The following ENTREP2 variants were observed in gnomAD, a reference collection of about 807,000 sequenced individuals.
ENTREP2 encodes the protein endosomal transmembrane epsin interactor 2, also known as protein ENTREP2.
chr15:29,137,944 C>T, the ENTREP2 span, among the ~76,000 whole-genome samples: 5 of 152,104 alleles, frequency 3.3e-5, no homozygotes, highest in Admixed American at 6.5e-5. Flanking sequence ...CCAGAATTCC[C>T]GTGGTCAATC....
chr15:29,319,426 A>C, the ENTREP2 span, among the ~76,000 whole-genome samples: 36 of 152,332 alleles, frequency 2.4e-4, no homozygotes, highest in South Asian at 7.5e-3. Flanking sequence ...CTAATTCCCT[A>C]TTGAAATTCA....
the ENTREP2 span, among the ~76,000 whole-genome samples, chr15:29,245,539 C>T: frequency 6.6e-6 from 1 of 151,540 alleles, no homozygotes; most frequent in African/African-American, 2.4e-5. Context: ...AGATGCATAA[C>T]AAACTATTAA....
At chr15:29,354,010 T>A in the ENTREP2 span, among the ~76,000 whole-genome samples, 2 of 152,116 alleles carry the variant, frequency 1.3e-5, no homozygotes, top group African/African-American at 4.8e-5. Context: ...CATTTCTGGG[T>A]ATGTGTGTCA....
chr15:29,336,313 T>C, the ENTREP2 span, among the ~76,000 whole-genome samples: 2 of 151,670 alleles, frequency 1.3e-5, no homozygotes, highest in East Asian at 3.9e-4. Context: ...ATTAATATGG[T>C]TTGTTGTTGT....
chr15:29,264,368 A>T, the ENTREP2 span, among the ~76,000 whole-genome samples: 4 of 152,126 alleles, frequency 2.6e-5, no homozygotes, highest in African/African-American at 7.2e-5. Context: ...ACAAAGTCTC[A>T]AAGTGTCTCC....
At chr15:29,227,667 G>A in the ENTREP2 span, among the ~76,000 whole-genome samples, 7 of 152,238 alleles carry the variant, frequency 4.6e-5, no homozygotes, top group South Asian at 6.2e-4. Flanking sequence ...AGGAGAAGAC[G>A]GAAGGAAAGA....
At chr15:29,220,518 T>C in the ENTREP2 span, among the ~76,000 whole-genome samples, 7 of 152,318 alleles carry the variant, frequency 4.6e-5, no homozygotes, top group African/African-American at 1.4e-4. Context: ...AATGCACTCA[T>C]GTGGCTGAGG....
the ENTREP2 span, among the ~76,000 whole-genome samples, chr15:29,514,635 G>T: frequency 6.6e-6 from 1 of 152,268 alleles, no homozygotes; most frequent in African/African-American, 2.4e-5. Flanking sequence ...CACCTTCTCT[G>T]TAGGGGGGAA....
At chr15:29,579,098 T>A in the ENTREP2 span, among the ~76,000 whole-genome samples, 377 of 152,332 alleles carry the variant, frequency 2.5e-3, 2 homozygotes, top group African/African-American at 8.7e-3. Flanking sequence ...TCAAGCCTCA[T>A]GAGATTTGAT....
the ENTREP2 span, among the ~76,000 whole-genome samples, chr15:29,460,837 G>A: frequency 2.0e-5 from 3 of 151,982 alleles, no homozygotes; most frequent in South Asian, 2.1e-4. Context: ...CCACTATCAC[G>A]TCTTTTCCAA....
the ENTREP2 span, among the ~76,000 whole-genome samples, chr15:29,361,422 T>C: frequency 2.1e-4 from 32 of 152,326 alleles, no homozygotes; most frequent in Admixed American, 2.0e-3. Flanking sequence ...CTCTTATCTT[T>C]CTAAATAAAA....
At chr15:29,312,238 T>G in the ENTREP2 span, among the ~76,000 whole-genome samples, 1 of 152,014 alleles carries the variant, frequency 6.6e-6, no homozygotes, top group Non-Finnish European at 1.5e-5. Flanking sequence ...AGAAATAACA[T>G]TCATGAAAGA....
the ENTREP2 span, among the ~76,000 whole-genome samples, chr15:29,403,129 G>C: frequency 2.0e-5 from 3 of 152,108 alleles, no homozygotes; most frequent in Non-Finnish European, 4.4e-5. Context: ...AGGTGTGTAG[G>C]GGAGGGACGG....
At chr15:29,271,975 G>T in the ENTREP2 span, among the ~76,000 whole-genome samples, 3 of 152,078 alleles carry the variant, frequency 2.0e-5, no homozygotes, top group Admixed American at 2.0e-4. Flanking sequence ...TTCTTGCTAA[G>T]GTATTCATGT....
At chr15:29,150,986 G>C in the ENTREP2 span, among the ~76,000 whole-genome samples, 3 of 151,970 alleles carry the variant, frequency 2.0e-5, no homozygotes, top group Non-Finnish European at 4.4e-5. Context: ...ACACGCGTGC[G>C]CATAGATATT....
chr15:29,633,830 G>A, the ENTREP2 span, among the ~76,000 whole-genome samples: 13 of 152,126 alleles, frequency 8.5e-5, no homozygotes, highest in African/African-American at 2.9e-4. Context: ...GTGGTGACGG[G>A]TGCCTGTAAT....
the ENTREP2 span, among the ~76,000 whole-genome samples, chr15:29,477,596 G>A: frequency 6.6e-6 from 1 of 152,124 alleles, no homozygotes; most frequent in African/African-American, 2.4e-5. Context: ...AGTGGTCTCT[G>A]GTACTCTGCT....
At chr15:29,608,733 A>AT in the ENTREP2 span, among the ~76,000 whole-genome samples, 2 of 151,128 alleles carry the variant, frequency 1.3e-5, no homozygotes, top group Non-Finnish European at 2.9e-5. Context: ...CACCTGGCTA[A>AT]TTTTTTTGTA....
chr15:29,512,590 T>C, the ENTREP2 span, among the ~76,000 whole-genome samples: 3 of 152,146 alleles, frequency 2.0e-5, no homozygotes, highest in Non-Finnish European at 4.4e-5. Flanking sequence ...TTAGTGACCT[T>C]ATAAGAACAG....
Sources: gnomAD v4.1 joint callset for allele counts (sites outside exome capture counted in the v4.1 genomes callset) on GRCh38, gnomAD v4.1.1 for gene constraint, MANE v1.5 for transcripts, NCBI Gene and HGNC (gene_info 2026-07-23, HGNC 2026-07-21) for gene names.